Variants in TCF4 observed in about 807,000 individuals in gnomAD.
TCF4 encodes transcription factor 4.
TCF4 carries 3 observed loss-of-function variants against 82.1 expected under a neutral mutation model. That is an observed-to-expected ratio of 0.04 (90% CI 0.02 to 0.09). TCF4 has a LOEUF of 0.09. TCF4 is among the 10% of genes least tolerant of loss of function. The pLI is 1.00. For synonymous variants in TCF4, 276 were observed against 309.6 expected, an observed-to-expected ratio of 0.89 and a Z score of 1.14; for missense variants, 518 against 852.7, an observed-to-expected ratio of 0.61 and a Z score of 4.89.
chr18:55,587,263 G>A (rs1445311885), intron 1 of TCF4, 127 bp from the exon 2 acceptor site: 1 of 552,234 alleles, frequency 1.8e-6, no homozygotes, highest in Non-Finnish European at 3.2e-6. Context: ...AAGGTGGAAA[G>A]GAGGAAGGGA....
chr18:55,588,387 G>A, upstream of TCF4: 2 of 1,529,238 alleles, frequency 1.3e-6, no homozygotes, highest in Non-Finnish European at 1.7e-6. Flanking sequence ...CATCCCCCTC[G>A]CACCCACCCC....
upstream of TCF4, chr18:55,588,649 A>G (rs1466000828): frequency 7.3e-7 from 1 of 1,369,650 alleles, no homozygotes; most frequent in Non-Finnish European, 9.4e-7. Context: ...AGTTTATACT[A>G]GGCTGCAAAT....
At chr18:55,344,559 T>C (rs1022808792) in intron 8 of TCF4, among the ~76,000 whole-genome samples, 9 of 152,178 alleles carry the variant, frequency 5.9e-5, no homozygotes, top group Non-Finnish European at 1.2e-4. Flanking sequence ...GAAATGTATT[T>C]CTCTTTTCTC....
upstream of TCF4, among the ~76,000 whole-genome samples, chr18:55,592,679 C>T (rs917281419): frequency 2.6e-5 from 4 of 152,114 alleles, no homozygotes; most frequent in African/African-American, 9.7e-5. Flanking sequence ...GATTGGACCC[C>T]AGGAGCGAAG....
intron 2 of TCF4, among the ~76,000 whole-genome samples, chr18:55,623,102 T>G (rs2097723143): frequency 6.6e-6 from 1 of 152,164 alleles, no homozygotes; most frequent in South Asian, 2.1e-4. Flanking sequence ...TAAGTTAAAT[T>G]TTGGTCTGAA....
intron 12 of TCF4, among the ~76,000 whole-genome samples, 199 bp from the exon 13 acceptor site, chr18:55,260,226 T>C (rs1237527038): frequency 6.6e-6 from 1 of 152,140 alleles, no homozygotes; most frequent in African/African-American, 2.4e-5. Context: ...ATTACTGATG[T>C]GGTATGGGAT....
At chr18:55,270,641 T>C (rs13380888) in intron 10 of TCF4, among the ~76,000 whole-genome samples, 10,801 of 152,236 alleles carry the variant, frequency 0.071, 512 homozygotes, top group Middle Eastern at 0.15. Flanking sequence ...CTCACATAGC[T>C]GGCAATGAAA....
intron 3 of TCF4, among the ~76,000 whole-genome samples, chr18:55,581,728 A>G (rs1167696415): frequency 6.6e-6 from 1 of 152,088 alleles, no homozygotes. Context: ...TTGGCATATT[A>G]TGTTGGTGTC....
intron 5 of TCF4, among the ~76,000 whole-genome samples, chr18:55,441,114 T>C (rs1045655746): frequency 6.6e-6 from 1 of 152,246 alleles, no homozygotes; most frequent in African/African-American, 2.4e-5. Flanking sequence ...AAAAGCATCA[T>C]TTGATGACCA....
intron 11 of TCF4, chr18:55,268,557 TAGAC>T (rs1454728403): frequency 1.3e-5 from 2 of 152,124 alleles, no homozygotes; most frequent in African/African-American, 4.8e-5. Context: ...ATTTGCTTCT[TAGAC>T]AGGATAGCGG....
chr18:55,596,133 G>A (rs751553936), intron 2 of TCF4: 3 of 437,036 alleles, frequency 6.9e-6, no homozygotes, highest in South Asian at 4.7e-5. Flanking sequence ...AGGAGGCTGA[G>A]GCAGGAGGAT....
intron 3 of TCF4, among the ~76,000 whole-genome samples, chr18:55,490,492 T>C (rs1177359821): frequency 6.6e-6 from 1 of 151,704 alleles, no homozygotes; most frequent in African/African-American, 2.4e-5. Context: ...TGATGTACTA[T>C]ACTTAGCAGA....
At chr18:55,411,587 T>C (rs1303366317) in intron 5 of TCF4, among the ~76,000 whole-genome samples, 3 of 152,180 alleles carry the variant, frequency 2.0e-5, no homozygotes, top group African/African-American at 7.2e-5. Context: ...ATGGTGAGTG[T>C]GGAGAAAAGC....
At chr18:55,530,764 C>T (rs1354378368) in intron 3 of TCF4, among the ~76,000 whole-genome samples, 2 of 151,970 alleles carry the variant, frequency 1.3e-5, no homozygotes, top group African/African-American at 4.8e-5. Context: ...TAACAGCAAA[C>T]ATTTCTGACA....
chr18:55,238,292 C>T (rs1268691938), intron 15 of TCF4, among the ~76,000 whole-genome samples: 5 of 152,072 alleles, frequency 3.3e-5, no homozygotes, highest in South Asian at 2.1e-4. Context: ...CCCATAGTCA[C>T]GTATAATGCA....
intron 6 of TCF4, among the ~76,000 whole-genome samples, chr18:55,399,904 A>T (rs1569371118): frequency 3.3e-5 from 5 of 150,154 alleles, no homozygotes; most frequent in Non-Finnish European, 7.4e-5. Context: ...ACACACACAC[A>T]CACACACACA....
chr18:55,474,684 T>C (rs1454492622), intron 3 of TCF4, among the ~76,000 whole-genome samples: 1 of 152,192 alleles, frequency 6.6e-6, no homozygotes, highest in African/African-American at 2.4e-5. Context: ...CAAGAAAAGA[T>C]CAAGGGTTGA....
At chr18:55,327,056 A>G (rs898608723) in intron 8 of TCF4, among the ~76,000 whole-genome samples, 1 of 152,166 alleles carries the variant, frequency 6.6e-6, no homozygotes, top group African/African-American at 2.4e-5. Flanking sequence ...CTTGCAATTT[A>G]ATAATGAACA....
intron 8 of TCF4, among the ~76,000 whole-genome samples, chr18:55,285,536 A>T (rs575441046): frequency 6.6e-6 from 1 of 152,354 alleles, no homozygotes; most frequent in South Asian, 2.1e-4. Context: ...AACTCAACCA[A>T]AGTTAAATAA....
Sources: gnomAD v4.1 joint callset for allele counts (sites outside exome capture counted in the v4.1 genomes callset) on GRCh38, gnomAD v4.1.1 for gene constraint, MANE v1.5 for transcripts, NCBI Gene and HGNC (gene_info 2026-07-23, HGNC 2026-07-21) for gene names.